ESR2: variants seen among roughly 807,000 people sequenced by gnomAD.
ESR2 encodes the protein estrogen receptor 2.
A neutral mutation model predicts 49.6 loss-of-function variants in ESR2; 36 were observed. That is an observed-to-expected ratio of 0.73 (90% confidence interval 0.56 to 0.96). ESR2 has a LOEUF of 0.96. Ranked by LOEUF, ESR2 falls within the 40% of genes least tolerant of loss-of-function variation. ESR2 has a pLI of 0.00. For synonymous variants in ESR2, 320 were observed against 266.1 expected (o/e 1.20, Z -1.97); for missense variants, 714 against 693.0 (o/e 1.03, Z -0.34).
At chr14:64,331,062 C>T (rs1354968734) in intron 1 of ESR2, 1 of 151,878 alleles carries the variant, frequency 6.6e-6, no homozygotes, top group East Asian at 1.9e-4. Context: ...TGTAAATAGC[C>T]TAAACATTCC....
At chr14:64,305,485 A>C (rs1229256981) in intron 1 of ESR2, among the ~76,000 whole-genome samples, 1 of 151,366 alleles carries the variant, frequency 6.6e-6, no homozygotes, top group African/African-American at 2.4e-5. Context: ...CCTGGCTAAC[A>C]CAGTGAAACC....
chr14:64,307,917 A>G lies in ESR2; in HGVS notation c.-90-24842T>C, dbSNP rs145961895. Reference sequence around the variant, plus strand: ...TCCTGCTATTTTTGTTTTCTATTTCATAAGTTTCTGCTCCAATCTTAATTA... The same window carrying G: ...TCCTGCTATTTTTGTTTTCTATTTCGTAAGTTTCTGCTCCAATCTTAATTA... On this transcript the variant is annotated intron_variant, in intron 1 of 8. Transcript: ENST00000358599. Among the ~76,000 whole-genome samples, 544 of 152,244 alleles carry G rather than the reference A, an allele frequency of 3.6e-3. 6 individuals are homozygous for G. The highest frequency in any genetic ancestry group is 0.013 in the African/African-American group (525 of 41,540).
At chr14:64,284,336 T>G (rs535670893) in intron 1 of ESR2, among the ~76,000 whole-genome samples, 6 of 152,020 alleles carry the variant, frequency 3.9e-5, no homozygotes, top group South Asian at 4.2e-4. Flanking sequence ...AGGCAAATCT[T>G]TTTTTTTGAG....
chr14:64,307,839 AT>A (rs1287276411), intron 1 of ESR2, among the ~76,000 whole-genome samples: 1 of 151,558 alleles, frequency 6.6e-6, no homozygotes, highest in African/African-American at 2.4e-5. Flanking sequence ...CGGCCTAGGG[AT>A]TTATTAATTT....
upstream of ESR2, among the ~76,000 whole-genome samples, chr14:64,296,439 G>T (rs929984457): frequency 6.6e-6 from 1 of 152,150 alleles, no homozygotes; most frequent in Non-Finnish European, 1.5e-5. Flanking sequence ...TATTTTATAC[G>T]CAAGCCTATA....
chr14:64,260,420 A>G (rs374551001), intron 5 of ESR2, 29 bp downstream of exon 5: 26 of 1,523,174 alleles, frequency 1.7e-5, no homozygotes, highest in Admixed American at 2.2e-5. Flanking sequence ...CTACAAGTAC[A>G]TGGAAAACTG....
chr14:64,317,757 C>T (rs2077274727), intron 1 of ESR2, among the ~76,000 whole-genome samples: 2 of 152,070 alleles, frequency 1.3e-5, no homozygotes, highest in Non-Finnish European at 2.9e-5. Context: ...AAAAGAAAAA[C>T]ATATGATCAT....
At chr14:64,319,866 G>A (rs552907274) in intron 1 of ESR2, among the ~76,000 whole-genome samples, 16 of 152,278 alleles carry the variant, frequency 1.1e-4, no homozygotes, top group African/African-American at 3.9e-4. Flanking sequence ...TTGTAAAACA[G>A]TTTGGCAGTT....
At chr14:64,324,978 A>T (rs552644566) in intron 1 of ESR2, among the ~76,000 whole-genome samples, 10 of 152,238 alleles carry the variant, frequency 6.6e-5, no homozygotes, top group Non-Finnish European at 1.5e-4. Context: ...GAAACCTGAT[A>T]GCCATATTCA....
rs1048623771 is a variant in ESR2, at chr14:64,233,201, G to A, written c.1529C>T (p.Ser510Phe). The A allele has an allele frequency of 6.2e-7, 1 of 1,614,122 alleles. No individual in the cohort carries two copies. Among genetic ancestry groups the A allele is most frequent in the East Asian group, 2.2e-5 (1 of 44,892 alleles). The change falls in exon 9 of 9, where the codon TCC (serine) becomes TTC (phenylalanine). Residue 510 changes from serine to phenylalanine, a missense_variant. Coordinates refer to ENST00000341099, the MANE Select transcript of ESR2 (RefSeq NM_001437.3). ...ACTGTCCTCTGCCGGGCTGCACTCG[G>A]ACCCCGTGATGGAGGACTTGCACCC... is the stretch of plus-strand genomic sequence containing the variant. The part of the protein sequence containing the change: ...LRGCKSSITG[S>F]ECSPAEDSKS...
In ESR2 at chr14:64,288,785, G is replaced by A. The variant is rs184300133; in HGVS notation, c.-91+5248C>T. 4.4e-4 allele frequency among the ~76,000 whole-genome samples: 67 copies of A among 151,462 alleles called. 2 individuals carry two copies. The highest frequency in any genetic ancestry group is 3.7e-3 in the Admixed American group (56 of 15,226). ...GCAGATCACCTGAAATCAGGAGTTC[G>A]GGACCAGCCTGGCCAACATGGAGAA... is the stretch of plus-strand genomic sequence containing the variant. On this transcript the variant is annotated intron_variant, in intron 1 of 8. Transcript: ENST00000341099.
chr14:64,293,697 C>T (rs1019265158), intron 1 of ESR2, among the ~76,000 whole-genome samples: 5 of 152,184 alleles, frequency 3.3e-5, no homozygotes, highest in Non-Finnish European at 7.3e-5. Flanking sequence ...CCTCAAAGTT[C>T]AATCAGAAAG....
chr14:64,254,958 G>A (rs1050736179), intron 6 of ESR2, among the ~76,000 whole-genome samples: 3 of 152,048 alleles, frequency 2.0e-5, no homozygotes, highest in Non-Finnish European at 4.4e-5. Context: ...TAAAGGCAGT[G>A]TAAGTCTATT....
chr14:64,270,722 C>G (rs1299761831), intron 3 of ESR2, among the ~76,000 whole-genome samples: 1 of 152,198 alleles, frequency 6.6e-6, no homozygotes, highest in Non-Finnish European at 1.5e-5. Context: ...GTTGGCCAGT[C>G]TGGTCTCGAA....
At chr14:64,264,312 GAAGA>G (rs2076279554) in intron 4 of ESR2, among the ~76,000 whole-genome samples, 1 of 152,136 alleles carries the variant, frequency 6.6e-6, no homozygotes, top group African/African-American at 2.4e-5. Context: ...AGTTATAGTA[GAAGA>G]AAGGGCTCTA....
chr14:64,313,530 CAAAAAAAAA>C (rs60380584), intron 1 of ESR2, among the ~76,000 whole-genome samples: 1 of 107,468 alleles, frequency 9.3e-6, no homozygotes, highest in Admixed American at 1.1e-4. Flanking sequence ...GAGGCTCTGT[CAAAAAAAAA>C]AAAAAAGAAA....
rs146908312 is a variant in ESR2, at chr14:64,236,783, C to G, written c.1226-1633G>C. On this transcript the variant is annotated intron_variant, in intron 7 of 8. Coordinates refer to ENST00000341099, the MANE Select transcript of ESR2 (RefSeq NM_001437.3). ...AGCTTCCCCCAACCTCCCTACCATC[C>G]CACCCTAAGTCTGGTCTGAGGTGTC... Among the ~76,000 whole-genome samples, 844 of 152,160 alleles carry G rather than the reference C, an allele frequency of 5.5e-3. 10 individuals are homozygous for G. Among genetic ancestry groups the G allele is most frequent in the African/African-American group, 0.02 (810 of 41,492 alleles).
chr14:64,238,126 C>A (rs1450682027), intron 7 of ESR2, among the ~76,000 whole-genome samples: 1 of 152,046 alleles, frequency 6.6e-6, no homozygotes, highest in Non-Finnish European at 1.5e-5. Context: ...ACATAAATTC[C>A]CTGGGCTGTG....
chr14:64,227,808 T>C, downstream of ESR2: 2 of 1,560,518 alleles, frequency 1.3e-6, no homozygotes, highest in South Asian at 1.2e-5. Context: ...CAAAACTCTT[T>C]TATGAGGTAG....
Sources: gnomAD v4.1 joint callset for allele counts (sites outside exome capture counted in the v4.1 genomes callset) on GRCh38, gnomAD v4.1.1 for gene constraint, MANE v1.5 for transcripts, NCBI Gene and HGNC (gene_info 2026-07-23, HGNC 2026-07-21) for gene names.